The following SORBS2 variants were observed in gnomAD, a reference collection of about 807,000 sequenced individuals.
SORBS2 encodes the protein sorbin and SH3 domain containing 2, also known as sorbin and SH3 domain-containing protein 2.
Under a neutral mutation model 97.7 loss-of-function variants are expected in SORBS2, and 46 were observed. That is an observed-to-expected ratio of 0.47 (90% confidence interval 0.37 to 0.60). The LOEUF (loss-of-function observed/expected upper bound fraction) is 0.60, where lower values mean the gene tolerates loss of function less well. Ranked by LOEUF, SORBS2 falls within the 20% of genes least tolerant of loss-of-function variation. SORBS2 has a pLI of 0.00. For synonymous variants in SORBS2, 476 were observed against 473.4 expected (o/e 1.01, Z -0.07); for missense variants, 1,316 against 1,282.3 (o/e 1.03, Z -0.40).
At chr4:185,824,493 G>C (rs1302485401) in intron 1 of SORBS2, among the ~76,000 whole-genome samples, 3 of 152,038 alleles carry the variant, frequency 2.0e-5, no homozygotes, top group Non-Finnish European at 4.4e-5. Context: ...TCTTTTGAGG[G>C]GACACAATTC....
intron 2 of SORBS2, among the ~76,000 whole-genome samples, chr4:185,748,360 A>G (rs1044267720): frequency 6.6e-6 from 1 of 152,140 alleles, no homozygotes; most frequent in Non-Finnish European, 1.5e-5. Context: ...GCTGGTTTTG[A>G]TTTAGGCAAT....
At chr4:185,824,818 A>G (rs1347451418) in intron 1 of SORBS2, among the ~76,000 whole-genome samples, 1 of 152,194 alleles carries the variant, frequency 6.6e-6, no homozygotes, top group Non-Finnish European at 1.5e-5. Context: ...AATCTCCTCT[A>G]GACTGATTGC....
At chr4:185,592,267 CA>C (rs1561274692) in intron 13 of SORBS2, among the ~76,000 whole-genome samples, 2 of 152,136 alleles carry the variant, frequency 1.3e-5, no homozygotes, top group African/African-American at 2.4e-5. Flanking sequence ...TAAATGAAAG[CA>C]ACTAAGCAAC....
intron 1 of SORBS2, among the ~76,000 whole-genome samples, chr4:185,779,995 AAG>A (rs1306168578): frequency 3.3e-5 from 5 of 150,632 alleles, no homozygotes; most frequent in Admixed American, 6.7e-5. Context: ...AGGCTAGACT[AAG>A]TAGAGTAACA....
chr4:185,631,988 G>A (rs2096916480), intron 4 of SORBS2, among the ~76,000 whole-genome samples: 1 of 152,176 alleles, frequency 6.6e-6, no homozygotes, highest in East Asian at 1.9e-4. Context: ...GAAAGGCAAG[G>A]TTTGACAAAT....
chr4:185,678,678 T>TA, intron 3 of SORBS2, 118 bp downstream of exon 6: 1 of 1,160,182 alleles, frequency 8.6e-7, no homozygotes, highest in Non-Finnish European at 1.2e-6. Flanking sequence ...AGGTTTAATT[T>TA]AATATGCATA....
In SORBS2 at chr4:185,679,580, A is replaced by G. The variant is rs1367803708; in HGVS notation, c.-197-758T>C. ...GGTAATCAGTTTGCACGTTTAACTC[A>G]TGTGTATTTTAAGTCATCAGCTTGT... On this transcript the variant is annotated intron_variant, in intron 2 of 20. Transcript: ENST00000284776. 2.0e-5 allele frequency among the ~76,000 whole-genome samples: 3 copies of G among 152,268 alleles called. No homozygotes were observed. In the East Asian group the frequency reaches 5.8e-4, roughly 29 times the overall value.
intron 1 of SORBS2, among the ~76,000 whole-genome samples, chr4:185,910,988 A>G (rs1398132139): frequency 6.6e-6 from 1 of 152,144 alleles, no homozygotes; most frequent in Non-Finnish European, 1.5e-5. Flanking sequence ...CTTGGAAAAT[A>G]CTAAAACTAT....
At chr4:185,882,428 A>G (rs540264124) in intron 1 of SORBS2, among the ~76,000 whole-genome samples, 1 of 152,330 alleles carries the variant, frequency 6.6e-6, no homozygotes, top group Non-Finnish European at 1.5e-5. Context: ...CTGATAAAAG[A>G]AATTAAATAA....
chr4:185,784,387 C>G (rs1429112088), intron 1 of SORBS2, among the ~76,000 whole-genome samples: 1 of 152,206 alleles, frequency 6.6e-6, no homozygotes, highest in African/African-American at 2.4e-5. Context: ...ACCTCGGCCT[C>G]CCAAAGTGCT....
At chr4:185,656,524 G>C (rs1023850602) in intron 1 of SORBS2, 7 of 825,394 alleles carry the variant, frequency 8.5e-6, no homozygotes, top group Non-Finnish European at 1.3e-5. Flanking sequence ...CATTCCAGGG[G>C]AGCAGCTCTT....
At chr4:185,801,647 C>A (rs2099131083) in intron 1 of SORBS2, among the ~76,000 whole-genome samples, 2 of 145,904 alleles carry the variant, frequency 1.4e-5, no homozygotes, top group African/African-American at 5.1e-5. Flanking sequence ...TGGCCCTTTG[C>A]CCATTTTTTA....
intron 2 of SORBS2, among the ~76,000 whole-genome samples, chr4:185,718,921 A>G (rs551443683): frequency 1.3e-5 from 2 of 152,358 alleles, no homozygotes; most frequent in Admixed American, 1.3e-4. Context: ...GGTTTGCTCT[A>G]TGCAGACCTG....
At chr4:185,945,654 C>A (rs550096430) in intron 1 of SORBS2, among the ~76,000 whole-genome samples, 64 of 152,268 alleles carry the variant, frequency 4.2e-4, no homozygotes, top group Non-Finnish European at 6.8e-4. Context: ...ATTCACTCAA[C>A]AAACATTTCT....
At chr4:185,656,959 A>C (rs1046169978) in exon 1 of SORBS2, 4 of 1,128,582 alleles carry the variant, frequency 3.5e-6, no homozygotes, top group Non-Finnish European at 4.3e-6. Context: ...TCACCTCCCA[A>C]CTCCCAAATC....
chr4:185,756,053 C>A (rs551103115), intron 2 of SORBS2, among the ~76,000 whole-genome samples: 123 of 152,264 alleles, frequency 8.1e-4, no homozygotes, highest in Non-Finnish European at 1.5e-3. Flanking sequence ...GTGAAGACAT[C>A]CAAGAATTTT....
intron 1 of SORBS2, among the ~76,000 whole-genome samples, chr4:185,782,731 G>T (rs1445999624): frequency 1.3e-5 from 2 of 152,032 alleles, no homozygotes; most frequent in African/African-American, 4.8e-5. Context: ...CTGGAGATTT[G>T]CAATCTTATT....
At chr4:185,750,574 C>T (rs186769520) in intron 2 of SORBS2, among the ~76,000 whole-genome samples, 14 of 152,310 alleles carry the variant, frequency 9.2e-5, no homozygotes, top group Admixed American at 3.3e-4. Context: ...CCCCAACATC[C>T]GATCCTTGCT....
At chr4:185,835,015 G>A (rs2153674729) in intron 1 of SORBS2, among the ~76,000 whole-genome samples, 1 of 152,336 alleles carries the variant, frequency 6.6e-6, no homozygotes, top group Middle Eastern at 3.4e-3. Context: ...TCTCGTGAAA[G>A]TGAGTGAGTT....
Sources: allele counts gnomAD v4.1 joint callset (sites outside exome capture counted in the v4.1 genomes callset), GRCh38; gene constraint gnomAD v4.1.1; transcripts MANE v1.5; gene names NCBI Gene and HGNC (gene_info 2026-07-23, HGNC 2026-07-21).